The following TUBB6 variants were observed in gnomAD, a reference collection of about 807,000 sequenced individuals.
The protein encoded by TUBB6 is tubulin beta-6 chain.
Under a neutral mutation model 32.3 loss-of-function variants are expected in TUBB6, and 18 were observed. The ratio of observed to expected loss-of-function variants is 0.56; its 90% CI spans 0.39 to 0.83. The LOEUF (loss-of-function observed/expected upper bound fraction) is 0.83, where lower values mean the gene tolerates loss of function less well. Among genes scored for constraint, TUBB6 ranks in the 40% least tolerant of loss-of-function variants. The pLI is 0.00. For synonymous variants in TUBB6, 280 were observed against 265.8 expected (o/e 1.05, Z -0.52); for missense variants, 480 against 632.0 (o/e 0.76, Z 2.58).
Position 12,308,368 on chromosome 18 carries a change from A to T in TUBB6, c.57+19A>T. Reference sequence around the variant, plus strand: ...CACCAAGGTGGGCCTGGCGCGGTGCAGGGCCTCTCCGCGGGTCGGCTGCTG... The same window carrying T: ...CACCAAGGTGGGCCTGGCGCGGTGCTGGGCCTCTCCGCGGGTCGGCTGCTG... On this transcript the variant is annotated intron_variant, in intron 1 of 3. Transcript: ENST00000317702. 1 of 1,407,848 alleles carries T rather than the reference A, an allele frequency of 7.1e-7. No individual in the cohort carries two copies. Among genetic ancestry groups the T allele is most frequent in the Non-Finnish European group, 9.3e-7 (1 of 1,079,376 alleles). 87.2% of individuals were successfully genotyped at this position (1,407,848 alleles called of 1,614,324 possible).
At chr18:12,321,337 T>TC (rs1237453877) in intron 3 of TUBB6, among the ~76,000 whole-genome samples, 6 of 152,014 alleles carry the variant, frequency 3.9e-5, no homozygotes, top group African/African-American at 9.7e-5. Context: ...AAATGCTTCA[T>TC]CCCCCCCAAG....
At chr18:12,320,499 C>T (rs541202135) in intron 3 of TUBB6, 1 of 152,198 alleles carries the variant, frequency 6.6e-6, no homozygotes, top group South Asian at 2.1e-4. Context: ...TCCTTCCTAC[C>T]CCGAACTAGT....
Position 12,326,187 on chromosome 18 carries a change from C to G in TUBB6, c.*57C>G. On this transcript the variant is annotated 3_prime_UTR_variant, in exon 4 of 4. Transcript: ENST00000317702. Reference sequence around the variant, plus strand: ...CAACACGCAAGTTCCTTCTTGAACCCTGGTGCCTCCTACCCTATGGCCCTG... The same window carrying G: ...CAACACGCAAGTTCCTTCTTGAACCGTGGTGCCTCCTACCCTATGGCCCTG... 1 of 1,559,818 alleles carries G rather than the reference C, an allele frequency of 6.4e-7. No homozygotes were observed. The highest frequency in any genetic ancestry group is 1.2e-5 in the South Asian group (1 of 81,372).
At position 12,325,542 on chromosome 18, in the gene TUBB6, C is replaced by T; in HGVS notation, c.753C>T (p.Arg251=). ...RFPGQLNADL[R]KLAVNMVPFP... is the part of the protein sequence containing the mutation. The stretch of plus-strand genomic sequence containing the variant: ...CGGGCCAGCTCAATGCTGACCTGCG[C>T]AAGCTGGCGGTGAACATGGTGCCCT... The change falls in exon 4 of 4, where the codon CGC becomes CGT. Residue 251 remains arginine, a synonymous_variant. Coordinates refer to ENST00000317702, the MANE Select transcript of TUBB6 (RefSeq NM_032525.3). 1 of 1,614,210 alleles carries T rather than the reference C, an allele frequency of 6.2e-7. No homozygotes were observed. The highest frequency in any genetic ancestry group is 8.5e-7 in the Non-Finnish European group (1 of 1,180,048).
intron 3 of TUBB6, among the ~76,000 whole-genome samples, chr18:12,315,907 T>C (rs1906648025): frequency 6.6e-6 from 1 of 152,250 alleles, no homozygotes; most frequent in African/African-American, 2.4e-5. Flanking sequence ...TAGAGATTCA[T>C]ATTATTTTTC....
intron 3 of TUBB6, chr18:12,320,846 C>T (rs10460001): frequency 0.67 from 102,414 of 152,068 alleles, 36,079 homozygotes; most frequent in Non-Finnish European, 0.78. Flanking sequence ...GAAAAACTTA[C>T]AGAAGTGTAA....
In TUBB6 at chr18:12,325,075, G is replaced by C. The variant is rs756057758; in HGVS notation, c.286G>C (p.Gly96Arg). Reference protein sequence around the residue: ...RPDNFIFGQTGAGNNWAKGHY... With the variant: ...RPDNFIFGQTRAGNNWAKGHY... The stretch of plus-strand genomic sequence containing the variant: ...GACTCTCTTTGTTGCAGGCCAGACG[G>C]GTGCAGGGAACAACTGGGCGAAAGG... The change falls in exon 4 of 4, where the codon GGT becomes CGT. Residue 96 changes from glycine (G) to arginine (R), a missense_variant. By Grantham distance (125) the Gly-to-Arg change is moderately radical. Transcript: ENST00000317702. 3.2e-6 allele frequency: 5 copies of C among 1,570,670 alleles called. No individual in the cohort carries two copies. The highest frequency in any genetic ancestry group is 4.3e-6 in the Non-Finnish European group (5 of 1,155,028).
At chr18:12,317,836 C>T (rs966849016) in intron 3 of TUBB6, among the ~76,000 whole-genome samples, 3 of 152,222 alleles carry the variant, frequency 2.0e-5, no homozygotes, top group African/African-American at 7.2e-5. Context: ...GTTCAGTTCA[C>T]AACTCCCAAA....
upstream of TUBB6, chr18:12,308,004 G>A (rs924670215): frequency 6.6e-6 from 1 of 152,466 alleles, no homozygotes; most frequent in South Asian, 2.1e-4. Context: ...AAACGGTGGT[G>A]GGGGCGGGCG....
intron 1 of TUBB6, 32 bp downstream of exon 1, chr18:12,308,381 G>A (rs1906122043): frequency 7.4e-7 from 1 of 1,350,952 alleles, no homozygotes. Context: ...GCCTCTCCGC[G>A]GGTCGGCTGC....
intron 3 of TUBB6, among the ~76,000 whole-genome samples, chr18:12,324,111 T>C (rs1250669865): frequency 6.6e-6 from 1 of 152,184 alleles, no homozygotes; most frequent in Non-Finnish European, 1.5e-5. Context: ...GGCTCACGCC[T>C]GTAATCCCAG....
intron 3 of TUBB6, among the ~76,000 whole-genome samples, chr18:12,311,512 G>A (rs531393107): frequency 6.6e-5 from 10 of 152,126 alleles, no homozygotes; most frequent in South Asian, 2.1e-4. Flanking sequence ...CAGGAGAATC[G>A]CTGGAACCCG....
chr18:12,313,830 G>A (rs924904340), intron 3 of TUBB6, among the ~76,000 whole-genome samples: 1 of 152,206 alleles, frequency 6.6e-6, no homozygotes, highest in Non-Finnish European at 1.5e-5. Flanking sequence ...CATAGAGATT[G>A]CAGATTGGCC....
At position 12,326,325 on chromosome 18, in the gene TUBB6, C is replaced by A; in HGVS notation, c.*195C>A. The A allele has an allele frequency of 2.4e-6, 2 of 829,354 alleles. No homozygotes were observed. The highest frequency in any genetic ancestry group is 2.0e-5 in the South Asian group (1 of 50,082). 51.4% of individuals were successfully genotyped at this position (829,354 alleles called of 1,614,324 possible). ...AACAGCAGAGAATTGCGGGTTCTAC[C>A]CAGTCAGAAGATCACACCATGGAGA... On this transcript the variant is annotated 3_prime_UTR_variant, in exon 4 of 4. Transcript: ENST00000317702.
At chr18:12,315,876 C>A (rs1906646268) in intron 3 of TUBB6, among the ~76,000 whole-genome samples, 2 of 152,210 alleles carry the variant, frequency 1.3e-5, no homozygotes, top group African/African-American at 2.4e-5. Flanking sequence ...GGTTTTATTT[C>A]TTAAATGGGT....
Position 12,325,961 on chromosome 18 carries a change from G to A in TUBB6, c.1172G>A (p.Arg391His), listed in dbSNP as rs763504507. The A allele has an allele frequency of 1.3e-5, 21 of 1,613,948 alleles. No homozygotes were observed. In the Admixed American group the frequency reaches 3.2e-4, roughly 24 times the overall value. Residue 391 changes from arginine (R) to histidine (H), a missense_variant, in exon 4 of 4, where the codon CGC (arginine) becomes CAC (histidine). By Grantham distance (29) the Arg-to-His change is conservative. Transcript: ENST00000317702. ...ISEQFSAMFR[R>H]KAFLHWFTGE... ...GAGCAGTTCTCAGCCATGTTCCGGC[G>A]CAAGGCCTTCCTGCACTGGTTCACG...
downstream of TUBB6, among the ~76,000 whole-genome samples, chr18:12,328,408 CT>C (rs1040687294): frequency 1.3e-5 from 2 of 152,212 alleles, no homozygotes; most frequent in African/African-American, 4.8e-5. Flanking sequence ...CTCATGCCAT[CT>C]TTTTTAAGGA....
At chr18:12,308,417 G>A (rs1308327539) in intron 1 of TUBB6, 68 bp downstream of exon 1, 8 of 1,212,836 alleles carry the variant, frequency 6.6e-6, no homozygotes, top group Non-Finnish European at 8.3e-6. Flanking sequence ...CTCCCGGCGC[G>A]ACCCCCGCCG....
intron 2 of TUBB6, 87 bp downstream of exon 2, chr18:12,308,882 G>A (rs1302770909): frequency 1.1e-6 from 1 of 886,574 alleles, no homozygotes; most frequent in Non-Finnish European, 1.9e-6. Flanking sequence ...GTTTGCTTCG[G>A]GAAAAGTTCT....
Sources: allele counts gnomAD v4.1 joint callset (sites outside exome capture counted in the v4.1 genomes callset), GRCh38; gene constraint gnomAD v4.1.1; transcripts MANE v1.5; gene names NCBI Gene and HGNC (gene_info 2026-07-23, HGNC 2026-07-21).